The following CYB5RL variants were observed in gnomAD, a reference collection of about 807,000 sequenced individuals.
CYB5RL encodes NADH-cytochrome b5 reductase-like.
In CYB5RL, 38 loss-of-function variants were observed where a neutral mutation model predicts 37.5. The ratio of observed to expected loss-of-function variants is 1.01; its 90% CI spans 0.78 to 1.33. The LOEUF (loss-of-function observed/expected upper bound fraction) is 1.33. Ranked by LOEUF, CYB5RL falls within the 40% of genes most tolerant of loss-of-function variation. CYB5RL has a pLI of 0.00. For missense variants in CYB5RL, 388 were observed against 394.4 expected, an observed-to-expected ratio of 0.98 and a Z score of 0.14; for synonymous variants, 141 against 151.9, an observed-to-expected ratio of 0.93 and a Z score of 0.53.
chr1:54,182,342 C>T (rs1660182405), intron 6 of CYB5RL, among the ~76,000 whole-genome samples: 3 of 152,298 alleles, frequency 2.0e-5, no homozygotes, highest in Non-Finnish European at 2.9e-5. Context: ...TATTATTATA[C>T]ATATATACTA....
At chr1:54,179,985 C>T (rs1488583378) in intron 6 of CYB5RL, 1 of 453,778 alleles carries the variant, frequency 2.2e-6, no homozygotes, top group East Asian at 7.0e-5. Context: ...GTGGCTCACA[C>T]CTATAAACCT....
At chr1:54,179,065 AAGAGGCT>A in intron 7 of CYB5RL, 77 bp downstream of exon 7, 1 of 1,489,682 alleles carries the variant, frequency 6.7e-7, no homozygotes, top group South Asian at 1.2e-5. Flanking sequence ...CCATTGCCAA[AAGAGGCT>A]AGAGCTGGTC....
intron 6 of CYB5RL, chr1:54,180,014 G>T (rs974781288): frequency 8.8e-6 from 4 of 453,158 alleles, no homozygotes; most frequent in Non-Finnish European, 1.8e-5. Flanking sequence ...GGGAGGCCAA[G>T]GTGGGCGGAT....
chr1:54,195,359 C>T, intron 3 of CYB5RL, 60 bp downstream of exon 3: 4 of 1,471,300 alleles, frequency 2.7e-6, no homozygotes, highest in Non-Finnish European at 3.6e-6. Flanking sequence ...GTGTGCTTTG[C>T]AGGGCCAAGG....
chr1:54,175,635 G>T, intron 7 of CYB5RL: 1 of 443,624 alleles, frequency 2.3e-6, no homozygotes. Context: ...TGTATCCATG[G>T]GTTCCACATT....
At chr1:54,190,488 G>GTT in intron 4 of CYB5RL, 1 of 599,636 alleles carries the variant, frequency 1.7e-6, no homozygotes, top group Non-Finnish European at 2.9e-6. Flanking sequence ...TTTTGTGAGG[G>GTT]TTAAATGATT....
At position 54,179,279 on chromosome 1, in the gene CYB5RL, T is replaced by C. The variant is rs771437138; in HGVS notation, c.614A>G (p.Asp205Gly). ...PMVPILQSITDNENDETFVTL... is the reference protein window; with the variant it reads ...PMVPILQSITGNENDETFVTL... ...GACAAAAGTCTCGTCATTCTCATTGTCTGTGATGCTCTGCAGGATAGGCAC... is the reference window on the plus strand; with the variant it reads ...GACAAAAGTCTCGTCATTCTCATTGCCTGTGATGCTCTGCAGGATAGGCAC... Residue 205 changes from aspartate to glycine, a missense_variant, in exon 7 of 8, where the codon GAC becomes GGC. Transcript: ENST00000534324. The C allele has an allele frequency of 5.8e-5, 93 of 1,613,768 alleles. No individual in the cohort carries two copies. The highest frequency in any genetic ancestry group is 1.3e-4 in the African/African-American group (10 of 74,930).
In CYB5RL at chr1:54,174,923, G is replaced by C; in HGVS notation, c.745-101C>G. The C allele has an allele frequency of 2.3e-6, 3 of 1,321,838 alleles. No individual in the cohort carries two copies. The South Asian group carries it at 3.9e-5, about 17-fold the overall frequency. 81.9% of individuals were successfully genotyped at this position (1,321,838 alleles called of 1,614,324 possible). On this transcript the variant is annotated intron_variant, in intron 7 of 7. Transcript: ENST00000534324. ...TGCAAAATGAGGAAACCAAGGCAGAGGGTGTAGGAAGCCAACCTATATCCA... is the reference window on the plus strand; with the variant it reads ...TGCAAAATGAGGAAACCAAGGCAGACGGTGTAGGAAGCCAACCTATATCCA...
chr1:54,180,352 T>G, intron 6 of CYB5RL: 1 of 322,898 alleles, frequency 3.1e-6, no homozygotes, highest in Non-Finnish European at 6.0e-6. Context: ...ACCTCTGTAA[T>G]CCCAGCACCT....
chr1:54,170,208 T>C lies in CYB5RL; in HGVS notation c.*4411A>G, dbSNP rs1256740926. On this transcript the variant is annotated 3_prime_UTR_variant, in exon 8 of 8. Transcript: ENST00000534324. ...ACCTCCGCCTCCTGGGTTTAAGCAA[T>C]TCTCCTGCCTCAGCCTCCCAAGTAG... 1 of 151,854 alleles carries C rather than the reference T, an allele frequency of 6.6e-6. No individual in the cohort carries two copies. Among genetic ancestry groups the C allele is most frequent in the Non-Finnish European group, 1.5e-5 (1 of 68,036 alleles). 9.4% of individuals were successfully genotyped at this position (151,854 alleles called of 1,614,324 possible).
chr1:54,185,759 A>G (rs563316701), intron 5 of CYB5RL: 1 of 152,410 alleles, frequency 6.6e-6, no homozygotes, highest in African/African-American at 2.4e-5. Context: ...GCACCCAAGA[A>G]GAAGGGAAGG....
At position 54,190,759 on chromosome 1, in the gene CYB5RL, G is replaced by A. The variant is rs1643942917; in HGVS notation, c.336C>T (p.His112=). 2.3e-5 allele frequency: 36 copies of A among 1,553,640 alleles called. No homozygotes were observed. The highest frequency in any genetic ancestry group is 3.1e-5 in the Non-Finnish European group (36 of 1,148,118). The change falls in exon 4 of 8, where the codon CAC becomes CAT. Residue 112 remains histidine (H), a synonymous_variant. Transcript: ENST00000534324. The part of the protein sequence containing the change: ...NSQLGLRPGQ[H]LILRGIVDDL... ...CTACCTGAGTGTACCGTAGGATGAG[G>A]TGCTGGCCGGGCCGCAGGCCAAGCT...
intron 5 of CYB5RL, among the ~76,000 whole-genome samples, 183 bp downstream of exon 5, chr1:54,187,469 T>C (rs1451371236): frequency 6.6e-6 from 1 of 152,166 alleles, no homozygotes. Context: ...TCCTCTCAGA[T>C]TGCATCCTGC....
At chr1:54,175,734 G>T (rs1660005208) in intron 7 of CYB5RL, 1 of 391,190 alleles carries the variant, frequency 2.6e-6, no homozygotes, top group Non-Finnish European at 5.2e-6. Context: ...AAAAAATACA[G>T]TATAAGAGCT....
chr1:54,190,367 C>T (rs1263444452), intron 4 of CYB5RL, among the ~76,000 whole-genome samples: 2 of 152,218 alleles, frequency 1.3e-5, no homozygotes, highest in Non-Finnish European at 2.9e-5. Context: ...AGCCACATTG[C>T]TTGCCTTCAA....
Position 54,195,963 on chromosome 1 carries a change from A to G in CYB5RL, c.-99-248T>C, listed in dbSNP as rs568288743. 5.3e-5 allele frequency among the ~76,000 whole-genome samples: 8 copies of G among 152,324 alleles called. No individual in the cohort carries two copies. The East Asian group carries it at 1.5e-3, about 29-fold the overall frequency. On this transcript the variant is annotated intron_variant, in intron 2 of 7. Coordinates refer to ENST00000534324, the MANE Select transcript of CYB5RL (RefSeq NM_001031672.4). The stretch of plus-strand genomic sequence containing the variant: ...TTCAGGAAACCTGGTTCTACTACTC[A>G]TAAGCTCTATGACTTCAGGAAGGTT...
chr1:54,185,220 A>T (rs1570108568), intron 5 of CYB5RL: 1 of 152,236 alleles, frequency 6.6e-6, no homozygotes, highest in East Asian at 1.9e-4. Context: ...ATAAACTAGG[A>T]ATAAACCTGA....
intron 7 of CYB5RL, chr1:54,175,697 A>G (rs1174596871): frequency 2.3e-6 from 1 of 439,720 alleles, no homozygotes; most frequent in Non-Finnish European, 4.5e-6. Flanking sequence ...AACATTAAAA[A>G]ATAACAATAT....
chr1:54,185,602 A>G (rs1660268115), intron 5 of CYB5RL: 1 of 152,210 alleles, frequency 6.6e-6, no homozygotes, highest in Admixed American at 6.5e-5. Flanking sequence ...CACCTGCACA[A>G]GGCAACGGAA....
Sources: gnomAD v4.1 joint callset for allele counts (sites outside exome capture counted in the v4.1 genomes callset) on GRCh38, gnomAD v4.1.1 for gene constraint, MANE v1.5 for transcripts, NCBI Gene and HGNC (gene_info 2026-07-23, HGNC 2026-07-21) for gene names.